The following FBXO36 variants were observed in gnomAD, a reference collection of about 807,000 sequenced individuals.
FBXO36 encodes the protein F-box protein 36.
A neutral mutation model predicts 17.0 loss-of-function variants in FBXO36; 18 were observed. That is an observed-to-expected ratio of 1.06 (90% confidence interval 0.73 to 1.57). FBXO36 has a LOEUF of 1.57. Ranked by LOEUF, FBXO36 falls within the 40% of genes most tolerant of loss-of-function variation. The probability of loss-of-function intolerance (pLI) is 0.00; values close to 1 mark genes in which losing one functional copy is unlikely to be tolerated. For missense variants in FBXO36, 229 were observed against 221.9 expected (o/e 1.03, Z -0.20); for synonymous variants, 83 against 85.3 (o/e 0.97, Z 0.15).
intron 1 of FBXO36, among the ~76,000 whole-genome samples, chr2:229,938,356 G>T (rs1467540422): frequency 7.2e-6 from 1 of 138,650 alleles, no homozygotes; most frequent in South Asian, 2.3e-4. Flanking sequence ...CGAGTAGCTG[G>T]GACTACAGGC....
chr2:229,930,541 G>A (rs892499491), intron 1 of FBXO36, among the ~76,000 whole-genome samples: 19 of 151,888 alleles, frequency 1.3e-4, no homozygotes, highest in Admixed American at 7.2e-4. Flanking sequence ...ACCTGAGGTC[G>A]GGAGGTCGAG....
chr2:229,988,952 A>G (rs1253624676), intron 2 of FBXO36, among the ~76,000 whole-genome samples: 1 of 150,998 alleles, frequency 6.6e-6, no homozygotes, highest in Non-Finnish European at 1.5e-5. Flanking sequence ...TGCATATAAT[A>G]TTTCTTTATA....
At chr2:229,996,100 A>T (rs1388947229) in intron 2 of FBXO36, among the ~76,000 whole-genome samples, 2 of 149,962 alleles carry the variant, frequency 1.3e-5, no homozygotes, top group Non-Finnish European at 3.0e-5. Flanking sequence ...ACATAATAAG[A>T]CTCCATCTCT....
At chr2:230,001,450 G>T (rs1354240427) in intron 3 of FBXO36, among the ~76,000 whole-genome samples, 2 of 151,846 alleles carry the variant, frequency 1.3e-5, no homozygotes, top group Non-Finnish European at 1.5e-5. Context: ...ACTGTGCCTG[G>T]CTAATTTTTG....
chr2:229,986,988 G>A (rs991387700), intron 2 of FBXO36, among the ~76,000 whole-genome samples: 1 of 151,748 alleles, frequency 6.6e-6, no homozygotes, highest in Non-Finnish European at 1.5e-5. Flanking sequence ...GGAGGCCAAG[G>A]TGGGCAGATC....
At chr2:229,938,195 G>T (rs1198662817) in intron 1 of FBXO36, among the ~76,000 whole-genome samples, 1 of 146,546 alleles carries the variant, frequency 6.8e-6, no homozygotes, top group African/African-American at 2.5e-5. Context: ...GCGCCCAACC[G>T]GATTGGTTAG....
Position 229,929,717 on chromosome 2 carries a change from G to A in FBXO36, c.96+7108G>A, listed in dbSNP as rs542321476. On this transcript the variant is annotated intron_variant, in intron 1 of 3. Coordinates refer to ENST00000283946, the MANE Select transcript of FBXO36 (RefSeq NM_174899.5). ...ACTAAAAATACAAAAAAATTAGCTG[G>A]GAATGGTGGCGCACGCCTGTAGTCC... 1.0e-3 allele frequency among the ~76,000 whole-genome samples: 154 copies of A among 151,728 alleles called. 1 individual carries two copies. The highest frequency in any genetic ancestry group is 3.6e-3 in the African/African-American group (150 of 41,348).
chr2:230,010,664 T>G, intron 3 of FBXO36, 32 bp from the exon 4 acceptor site: 7 of 1,579,450 alleles, frequency 4.4e-6, no homozygotes, highest in Non-Finnish European at 6.0e-6. Context: ...ACATGTGTGC[T>G]GTAACCCACC....
chr2:229,983,204 C>CGGGGT (rs2077250020), intron 2 of FBXO36, among the ~76,000 whole-genome samples: 1 of 151,948 alleles, frequency 6.6e-6, no homozygotes, highest in Non-Finnish European at 1.5e-5. Flanking sequence ...GGAGAAACCC[C>CGGGGT]GTCTCTACTA....
chr2:230,010,673 C>T (rs748315818), intron 3 of FBXO36, 23 bp from the exon 4 acceptor site: 25 of 1,587,850 alleles, frequency 1.6e-5, no homozygotes, highest in Non-Finnish European at 2.0e-5. Flanking sequence ...CTGTAACCCA[C>T]CTCTGACTTT....
intron 1 of FBXO36, among the ~76,000 whole-genome samples, chr2:229,933,450 C>T (rs1197145689): frequency 6.6e-6 from 1 of 152,144 alleles, no homozygotes; most frequent in Non-Finnish European, 1.5e-5. Flanking sequence ...TGTGACCTGG[C>T]GTAACCTGCC....
intron 3 of FBXO36, among the ~76,000 whole-genome samples, chr2:230,003,302 G>A (rs927456847): frequency 1.3e-5 from 2 of 150,496 alleles, no homozygotes; most frequent in Admixed American, 6.6e-5. Context: ...TTGACAAAAT[G>A]TGAAAGTCAG....
intron 2 of FBXO36, among the ~76,000 whole-genome samples, chr2:229,980,647 G>T (rs939586045): frequency 2.6e-5 from 4 of 151,802 alleles, no homozygotes; most frequent in Non-Finnish European, 5.9e-5. Context: ...TGGGGGAGGG[G>T]ATTCACTTCA....
Position 230,010,177 on chromosome 2 carries a change from C to G in FBXO36, c.379-519C>G, listed in dbSNP as rs577450609. Among the ~76,000 whole-genome samples, 522 of 152,290 alleles carry G rather than the reference C, an allele frequency of 3.4e-3. 3 individuals are homozygous for G. Among genetic ancestry groups the G allele is most frequent in the Non-Finnish European group, 4.8e-3 (328 of 68,026 alleles). ...TTGGGAGGCTGAGGCAGGAGAATCA[C>G]TTGAACCCAGGAGGCAGAGATTGCA... On this transcript the variant is annotated intron_variant, in intron 3 of 3. Coordinates refer to ENST00000283946, the MANE Select transcript of FBXO36 (RefSeq NM_174899.5).
At chr2:229,923,072 T>C (rs1021429058) in intron 1 of FBXO36, 1 of 156,782 alleles carries the variant, frequency 6.4e-6, no homozygotes, top group African/African-American at 2.4e-5. Context: ...TAAATCTCTT[T>C]GTGGCCTTTA....
intron 1 of FBXO36, among the ~76,000 whole-genome samples, chr2:229,958,419 C>T (rs550546916): frequency 2.6e-5 from 4 of 151,798 alleles, no homozygotes; most frequent in Admixed American, 6.6e-5. Context: ...TACAGGCGCC[C>T]GCCACGGCGC....
intron 1 of FBXO36, among the ~76,000 whole-genome samples, chr2:229,963,130 A>G (rs1014125712): frequency 2.6e-5 from 4 of 151,116 alleles, no homozygotes; most frequent in African/African-American, 9.8e-5. Context: ...CTGTGGCATG[A>G]TCTCTGTTTG....
intron 3 of FBXO36, among the ~76,000 whole-genome samples, chr2:230,006,105 G>GTTTTTTTTTT (rs577192144): frequency 4.0e-5 from 5 of 124,666 alleles, no homozygotes; most frequent in African/African-American, 1.5e-4. Context: ...TTTTATTTTA[G>GTTTTTTTTTT]TTTTTTTTTT....
At chr2:229,975,214 T>C (rs757455601) in intron 1 of FBXO36, among the ~76,000 whole-genome samples, 72 of 152,122 alleles carry the variant, frequency 4.7e-4, no homozygotes, top group Non-Finnish European at 7.6e-4. Flanking sequence ...AGAAGTGTCC[T>C]GTGTAATGAC....
Sources: gnomAD v4.1 joint callset for allele counts (sites outside exome capture counted in the v4.1 genomes callset) on GRCh38, gnomAD v4.1.1 for gene constraint, MANE v1.5 for transcripts, NCBI Gene and HGNC (gene_info 2026-07-23, HGNC 2026-07-21) for gene names.